The following TRMT11 variants were observed in gnomAD, a reference collection of about 807,000 sequenced individuals.
The protein encoded by TRMT11 is tRNA (guanine(10)-N(2))-methyltransferase TRMT11.
TRMT11 carries 53 observed loss-of-function variants against 62.8 expected under a neutral mutation model. The ratio of observed to expected loss-of-function variants is 0.84; its 90% CI spans 0.68 to 1.06. The LOEUF (loss-of-function observed/expected upper bound fraction) is 1.06. Ranked by LOEUF, TRMT11 falls within the 50% of genes least tolerant of loss-of-function variation. TRMT11 has a pLI of 0.00. For synonymous variants in TRMT11, 188 were observed against 190.3 expected, an observed-to-expected ratio of 0.99 and a Z score of 0.10; for missense variants, 556 against 553.4, an observed-to-expected ratio of 1.00 and a Z score of -0.05.
Position 126,071,685 on chromosome 6 carries a change from A to C in TRMT11, c.*1437+18495A>C, listed in dbSNP as rs571976734. Among the ~76,000 whole-genome samples, 23 of 151,626 alleles carry C rather than the reference A, an allele frequency of 1.5e-4. No homozygotes were observed. In the East Asian group the frequency reaches 4.1e-3, roughly 27 times the overall value. On this transcript the variant is annotated intron_variant and NMD_transcript_variant, in intron 17 of 22. Transcript: ENST00000648977. ...TTTTTTTTTTTTCTCTCAGGAGCTA[A>C]AGTGAACTCTTCCAAGAATCGGGAA...
At chr6:126,168,756 A>G (rs1316806983) in intron 21 of TRMT11, among the ~76,000 whole-genome samples, 1 of 152,158 alleles carries the variant, frequency 6.6e-6, no homozygotes, top group Non-Finnish European at 1.5e-5. Flanking sequence ...TGACCTTGTG[A>G]TCTGCCAGCC....
chr6:126,164,040 T>C (rs572399080), intron 21 of TRMT11, among the ~76,000 whole-genome samples: 1 of 152,314 alleles, frequency 6.6e-6, no homozygotes, highest in South Asian at 2.1e-4. Context: ...TGCTCTTGCT[T>C]CTCTAGTTAT....
At chr6:126,051,585 T>G (rs1223405286) in intron 16 of TRMT11, among the ~76,000 whole-genome samples, 1 of 152,136 alleles carries the variant, frequency 6.6e-6, no homozygotes, top group Admixed American at 6.5e-5. Flanking sequence ...AGAAGATTGA[T>G]GCAGTCATCC....
At chr6:126,064,155 G>T (rs963358315) in intron 17 of TRMT11, among the ~76,000 whole-genome samples, 10 of 151,934 alleles carry the variant, frequency 6.6e-5, no homozygotes. Context: ...GAAGATGGGG[G>T]TGAGCTCTGA....
At chr6:126,096,092 A>C (rs1003513151) in intron 17 of TRMT11, among the ~76,000 whole-genome samples, 1 of 152,192 alleles carries the variant, frequency 6.6e-6, no homozygotes, top group African/African-American at 2.4e-5. Context: ...TCTTCTCATA[A>C]GAGGGAGAAG....
the TRMT11 span, among the ~76,000 whole-genome samples, chr6:126,235,898 A>G: frequency 3.3e-5 from 5 of 152,226 alleles, no homozygotes; most frequent in African/African-American, 1.2e-4. Flanking sequence ...TATGTTTGAC[A>G]GTTGAGTCAT....
chr6:126,188,334 C>T (rs1778550323), intron 1 of TRMT11, among the ~76,000 whole-genome samples: 1 of 151,890 alleles, frequency 6.6e-6, no homozygotes, highest in South Asian at 2.1e-4. Flanking sequence ...TGAACAAGAA[C>T]TTCAAAAAGA....
the TRMT11 span, among the ~76,000 whole-genome samples, chr6:126,257,461 T>C: frequency 1.3e-4 from 20 of 152,108 alleles, no homozygotes; most frequent in Non-Finnish European, 2.9e-5. Context: ...TATAGTTTTC[T>C]TTTTGTTGTT....
chr6:126,099,079 A>G (rs973335771), intron 17 of TRMT11, among the ~76,000 whole-genome samples: 3 of 152,202 alleles, frequency 2.0e-5, no homozygotes, highest in Non-Finnish European at 4.4e-5. Context: ...GTTACTTCTC[A>G]TTGCTAGAAG....
intron 17 of TRMT11, among the ~76,000 whole-genome samples, chr6:126,092,619 A>G (rs1777289298): frequency 6.6e-6 from 1 of 152,170 alleles, no homozygotes; most frequent in Non-Finnish European, 1.5e-5. Flanking sequence ...TTTGTTAGAT[A>G]GACGAACTAG....
At chr6:126,211,292 G>T in the TRMT11 span, among the ~76,000 whole-genome samples, 21 of 152,068 alleles carry the variant, frequency 1.4e-4, no homozygotes, top group Admixed American at 1.3e-3. Flanking sequence ...TTCCATCTTG[G>T]TGCTTTGACC....
chr6:126,250,971 T>C, the TRMT11 span, among the ~76,000 whole-genome samples: 4 of 152,188 alleles, frequency 2.6e-5, no homozygotes, highest in African/African-American at 9.6e-5. Context: ...TCAAGGCACC[T>C]CAGTCATTTC....
chr6:126,154,138 G>T (rs1179481278), intron 21 of TRMT11, among the ~76,000 whole-genome samples: 1 of 152,136 alleles, frequency 6.6e-6, no homozygotes. Flanking sequence ...CCCTAATTTT[G>T]TAATAAATAA....
intron 16 of TRMT11, among the ~76,000 whole-genome samples, chr6:126,053,029 C>T (rs576925692): frequency 3.3e-5 from 5 of 152,040 alleles, no homozygotes; most frequent in African/African-American, 7.2e-5. Context: ...GCTCCTATGG[C>T]GGGGGATGTC....
chr6:125,992,614 A>T (rs1165500265), intron 1 of TRMT11, among the ~76,000 whole-genome samples: 1 of 152,206 alleles, frequency 6.6e-6, no homozygotes, highest in Non-Finnish European at 1.5e-5. Context: ...GGTAGCTATG[A>T]TTCCTGTTTC....
At chr6:126,126,420 A>T (rs1777719409) in intron 21 of TRMT11, among the ~76,000 whole-genome samples, 2 of 152,224 alleles carry the variant, frequency 1.3e-5, no homozygotes, top group South Asian at 2.1e-4. Flanking sequence ...ACCTTCTTAG[A>T]TGTTTCATTT....
At chr6:126,108,941 A>G (rs1777495844) in intron 17 of TRMT11, among the ~76,000 whole-genome samples, 1 of 152,166 alleles carries the variant, frequency 6.6e-6, no homozygotes, top group South Asian at 2.1e-4. Context: ...TTTATTTTGA[A>G]ATAATTTTAG....
At chr6:126,052,864 C>G (rs1776258387) in intron 16 of TRMT11, among the ~76,000 whole-genome samples, 1 of 152,134 alleles carries the variant, frequency 6.6e-6, no homozygotes, top group African/African-American at 2.4e-5. Flanking sequence ...GTTTTTGCCT[C>G]CAGTCTGTCT....
the TRMT11 span, among the ~76,000 whole-genome samples, chr6:126,242,153 G>C: frequency 2.6e-5 from 4 of 152,114 alleles, no homozygotes; most frequent in African/African-American, 9.7e-5. Flanking sequence ...GACAAACAGA[G>C]AGCCAAATCA....
Sources: allele counts gnomAD v4.1 joint callset (sites outside exome capture counted in the v4.1 genomes callset), GRCh38; gene constraint gnomAD v4.1.1; transcripts MANE v1.5; gene names NCBI Gene and HGNC (gene_info 2026-07-23, HGNC 2026-07-21).